Variants in CARNMT1 observed in about 807,000 individuals in gnomAD.
CARNMT1 encodes the protein carnosine N-methyltransferase 1, also known as protein-L-histidine N-pros-methyltransferase CARNMT1.
Under a neutral mutation model 49.6 loss-of-function variants are expected in CARNMT1, and 28 were observed. That is an observed-to-expected ratio of 0.56 (90% CI 0.42 to 0.77). The LOEUF is 0.77. Among genes scored for constraint, CARNMT1 ranks in the 30% least tolerant of loss-of-function variants. CARNMT1 has a pLI of 0.00. For synonymous variants in CARNMT1, 178 were observed against 175.0 expected, an observed-to-expected ratio of 1.02 and a Z score of -0.13; for missense variants, 421 against 512.6, an observed-to-expected ratio of 0.82 and a Z score of 1.73.
At chr9:74,992,280 A>C (rs763634264) in intron 6 of CARNMT1, among the ~76,000 whole-genome samples, 5 of 152,130 alleles carry the variant, frequency 3.3e-5, no homozygotes, top group Non-Finnish European at 7.3e-5. Flanking sequence ...TAAAAAAAAA[A>C]AAGAAAAAAA....
At chr9:75,020,854 T>C (rs1409367189) in intron 1 of CARNMT1, among the ~76,000 whole-genome samples, 2 of 152,096 alleles carry the variant, frequency 1.3e-5, no homozygotes, top group Admixed American at 6.6e-5. Flanking sequence ...GAGAGTATAA[T>C]AATGAGCTTT....
intron 1 of CARNMT1, among the ~76,000 whole-genome samples, chr9:75,020,924 A>G (rs1401957136): frequency 2.6e-5 from 4 of 152,192 alleles, no homozygotes; most frequent in Non-Finnish European, 5.9e-5. Flanking sequence ...ACATGACACC[A>G]GGCAAATTAC....
intron 3 of CARNMT1, chr9:75,016,063 C>T (rs1564104383): frequency 2.4e-6 from 1 of 420,184 alleles, no homozygotes; most frequent in African/African-American, 2.0e-5. Flanking sequence ...TAAGTAATTT[C>T]CCCTAAGCAC....
chr9:74,997,027 G>A lies in CARNMT1; in HGVS notation c.911-467C>T, dbSNP rs954716720. ...ATACTTCAACATCTACCACAACTTC[G>A]AATAATTACCAGGGAAAAAGGGGAG... On this transcript the variant is annotated intron_variant, in intron 5 of 7. Coordinates refer to ENST00000376834, the MANE Select transcript of CARNMT1 (RefSeq NM_152420.3). Among the ~76,000 whole-genome samples the A allele has an allele frequency of 3.3e-5, 5 of 152,112 alleles. No individual in the cohort carries two copies. The South Asian group carries it at 8.3e-4, about 25-fold the overall frequency.
intron 1 of CARNMT1, chr9:75,027,415 T>G: frequency 7.1e-6 from 7 of 985,352 alleles, no homozygotes; most frequent in Non-Finnish European, 8.4e-6. Flanking sequence ...TCCGGACCAC[T>G]TCCGCCCTTA....
At chr9:75,001,005 C>T (rs1411641565) in intron 3 of CARNMT1, among the ~76,000 whole-genome samples, 3 of 152,098 alleles carry the variant, frequency 2.0e-5, no homozygotes, top group African/African-American at 7.2e-5. Flanking sequence ...TTCTCACTCC[C>T]TACCAGACCC....
intron 3 of CARNMT1, among the ~76,000 whole-genome samples, chr9:75,001,301 G>C (rs1467049220): frequency 6.6e-6 from 1 of 152,106 alleles, no homozygotes; most frequent in East Asian, 1.9e-4. Flanking sequence ...ACCCTGAAGG[G>C]AAAGCTGTGA....
intron 1 of CARNMT1, among the ~76,000 whole-genome samples, chr9:75,025,624 T>C (rs1382460808): frequency 6.6e-6 from 1 of 152,214 alleles, no homozygotes; most frequent in African/African-American, 2.4e-5. Flanking sequence ...TCACTATTTC[T>C]AGGCTATGCA....
chr9:75,024,812 C>T (rs543634300), intron 1 of CARNMT1, among the ~76,000 whole-genome samples: 8 of 152,216 alleles, frequency 5.3e-5, no homozygotes, highest in Admixed American at 4.6e-4. Flanking sequence ...GGGCACCAAC[C>T]CCCTGTGCAG....
rs781692062 is a variant in CARNMT1 at position 75,028,205 on chromosome 9, G to T, written c.37C>A (p.Arg13=). 1.4e-6 allele frequency: 2 copies of T among 1,457,398 alleles called. No individual in the cohort carries two copies. The highest frequency in any genetic ancestry group is 2.8e-5 in the Admixed American group (1 of 35,812). The allele number at this position is 1,457,398 out of a possible 1,614,324, so 90.3% of individuals were successfully genotyped here. A position where few individuals can be genotyped will look rare whatever the true frequency, so the allele number is the denominator to read the frequency against. ...CCTCCCCCGCAGCCCTCGGGCAGCCGGGAGGTGGGCGGCGGAGGGCGACGC... is the reference window on the plus strand; with the variant it reads ...CCTCCCCCGCAGCCCTCGGGCAGCCTGGAGGTGGGCGGCGGAGGGCGACGC... ...RRRRPPPPTS[R]LPEGCGGGGG... The change falls in exon 1 of 8, where the codon CGG becomes AGG. Residue 13 remains arginine (R), a synonymous_variant. Coordinates refer to ENST00000376834, the MANE Select transcript of CARNMT1 (RefSeq NM_152420.3).
Position 74,998,723 on chromosome 9 carries a change from T to C in CARNMT1, c.785A>G (p.Asn262Ser), listed in dbSNP as rs751802906. The stretch of plus-strand genomic sequence containing the variant: ...AATCTGATCAGCTGATCTCCGGTTA[T>C]TGCTAAACTGATGGATCCAAGGATA... ...KLYPWIHQFSNNRRSADQIRP... is the reference protein window; with the variant it reads ...KLYPWIHQFSSNRRSADQIRP... The change falls in exon 5 of 8, where the codon AAT becomes AGT. Residue 262 changes from asparagine (N) to serine (S), a missense_variant. Coordinates refer to ENST00000376834, the MANE Select transcript of CARNMT1 (RefSeq NM_152420.3). 4 of 1,598,954 alleles carry C rather than the reference T, an allele frequency of 2.5e-6. No homozygotes were observed. The highest frequency in any genetic ancestry group is 1.7e-6 in the Non-Finnish European group (2 of 1,172,352).
chr9:74,996,641 T>C, intron 5 of CARNMT1, 81 bp from the exon 6 acceptor site: 2 of 750,448 alleles, frequency 2.7e-6, no homozygotes, highest in Non-Finnish European at 4.5e-6. Context: ...ATCTGCCAGT[T>C]ACCTTTTACA....
At chr9:75,021,985 T>A (rs1000499729) in intron 1 of CARNMT1, among the ~76,000 whole-genome samples, 4 of 152,004 alleles carry the variant, frequency 2.6e-5, no homozygotes, top group Non-Finnish European at 4.4e-5. Context: ...TTACTTTTTT[T>A]AAGCTGAATA....
intron 6 of CARNMT1, among the ~76,000 whole-genome samples, chr9:74,985,444 G>A (rs1832806278): frequency 6.6e-6 from 1 of 152,216 alleles, no homozygotes; most frequent in African/African-American, 2.4e-5. Context: ...GGAGTTATAT[G>A]GAAGGTTTCC....
chr9:75,011,403 G>T (rs1833686663), intron 3 of CARNMT1, among the ~76,000 whole-genome samples: 1 of 152,100 alleles, frequency 6.6e-6, no homozygotes, highest in Non-Finnish European at 1.5e-5. Context: ...ACAGGGTCTT[G>T]CTCTGTTGCC....
chr9:74,990,726 T>C (rs1243741661), intron 6 of CARNMT1, among the ~76,000 whole-genome samples: 1 of 152,182 alleles, frequency 6.6e-6, no homozygotes, highest in Non-Finnish European at 1.5e-5. Context: ...CAAGATGGGC[T>C]TGGAATATCT....
intron 3 of CARNMT1, among the ~76,000 whole-genome samples, chr9:75,012,562 C>A (rs1221188131): frequency 6.6e-6 from 1 of 151,936 alleles, no homozygotes; most frequent in Non-Finnish European, 1.5e-5. Flanking sequence ...GGATTACAGG[C>A]GTGAGCCACC....
At chr9:75,027,046 G>A in intron 1 of CARNMT1, 1 of 1,301,346 alleles carries the variant, frequency 7.7e-7, no homozygotes, top group Middle Eastern at 2.1e-4. Flanking sequence ...TATGGGAACA[G>A]GTTTACCTGC....
chr9:75,008,868 AAAC>A (rs1833598393), intron 3 of CARNMT1, among the ~76,000 whole-genome samples: 2 of 152,192 alleles, frequency 1.3e-5, no homozygotes, highest in Non-Finnish European at 2.9e-5. Context: ...TAATCTTGAA[AAAC>A]AACAAACGAG....
Sources: gnomAD v4.1 joint callset for allele counts (sites outside exome capture counted in the v4.1 genomes callset) on GRCh38, gnomAD v4.1.1 for gene constraint, MANE v1.5 for transcripts, NCBI Gene and HGNC (gene_info 2026-07-23, HGNC 2026-07-21) for gene names.